Variants in GRIK4 observed in about 807,000 individuals in gnomAD.
GRIK4 encodes glutamate receptor ionotropic, kainate 4.
Under a neutral mutation model 104.9 loss-of-function variants are expected in GRIK4, and 40 were observed. That is an observed-to-expected ratio of 0.38 (90% CI 0.30 to 0.50). The LOEUF is 0.50. Among genes scored for constraint, GRIK4 ranks in the 20% least tolerant of loss-of-function variants. The pLI is 0.93. For synonymous variants in GRIK4, 485 were observed against 524.9 expected (o/e 0.92, Z 1.04); for missense variants, 1,047 against 1,308.1 (o/e 0.80, Z 3.08).
intron 6 of GRIK4, among the ~76,000 whole-genome samples, chr11:120,822,312 T>G (rs1953149974): frequency 6.6e-6 from 1 of 150,708 alleles, no homozygotes; most frequent in South Asian, 2.1e-4. Flanking sequence ...AAGAAATCAG[T>G]GAACATAGAT....
At chr11:120,776,545 G>A (rs1413881238) in intron 3 of GRIK4, among the ~76,000 whole-genome samples, 1 of 152,242 alleles carries the variant, frequency 6.6e-6, no homozygotes, top group Non-Finnish European at 1.5e-5. Context: ...TAAGAACAAT[G>A]TATTGCTTTG....
intron 1 of GRIK4, among the ~76,000 whole-genome samples, chr11:120,589,712 G>A (rs1241372111): frequency 2.0e-5 from 3 of 152,076 alleles, no homozygotes; most frequent in Non-Finnish European, 2.9e-5. Flanking sequence ...CTCACCACCC[G>A]CTGCCTGCCC....
chr11:120,658,095 TTTTACAC>T (rs1261635376), intron 2 of GRIK4, among the ~76,000 whole-genome samples: 6 of 152,240 alleles, frequency 3.9e-5, no homozygotes, highest in Non-Finnish European at 8.8e-5. Context: ...TTTGTAATCT[TTTTACAC>T]TTTATATAGA....
intron 11 of GRIK4, among the ~76,000 whole-genome samples, chr11:120,893,819 A>G (rs1942488263): frequency 6.6e-6 from 1 of 152,170 alleles, no homozygotes; most frequent in African/African-American, 2.4e-5. Flanking sequence ...GCCAGTTTGT[A>G]AACATTTCCT....
chr11:120,694,324 A>G (rs1950408563), intron 3 of GRIK4, among the ~76,000 whole-genome samples: 1 of 152,244 alleles, frequency 6.6e-6, no homozygotes, highest in African/African-American at 2.4e-5. Flanking sequence ...GACCTAAGAC[A>G]GGCTCTTCCG....
At chr11:120,896,358 G>A (rs1194982290) in intron 11 of GRIK4, among the ~76,000 whole-genome samples, 2 of 152,242 alleles carry the variant, frequency 1.3e-5, no homozygotes, top group Non-Finnish European at 2.9e-5. Context: ...AACGGGGCTT[G>A]TTGTATGGAT....
chr11:120,925,059 A>G (rs1943312897), intron 13 of GRIK4, among the ~76,000 whole-genome samples: 1 of 152,142 alleles, frequency 6.6e-6, no homozygotes, highest in Non-Finnish European at 1.5e-5. Flanking sequence ...CTGGTCTCTG[A>G]GGCAGAGCTG....
At chr11:120,874,794 G>A (rs1335780589) in intron 10 of GRIK4, among the ~76,000 whole-genome samples, 2 of 152,212 alleles carry the variant, frequency 1.3e-5, no homozygotes, top group Non-Finnish European at 2.9e-5. Flanking sequence ...GTGGGTGAGT[G>A]CCTGCCCGGA....
At chr11:120,737,335 AT>A (rs1343638205) in intron 3 of GRIK4, among the ~76,000 whole-genome samples, 4 of 152,232 alleles carry the variant, frequency 2.6e-5, no homozygotes, top group Non-Finnish European at 5.9e-5. Context: ...AAGTCTAGAC[AT>A]TAGACATTGA....
At chr11:120,862,978 G>A (rs760887818) in intron 9 of GRIK4, among the ~76,000 whole-genome samples, 5 of 152,132 alleles carry the variant, frequency 3.3e-5, no homozygotes, top group Non-Finnish European at 2.9e-5. Context: ...TGATAAAACC[G>A]AAGCCCAGAA....
chr11:120,675,895 A>G (rs1324206391), intron 3 of GRIK4, among the ~76,000 whole-genome samples: 1 of 152,244 alleles, frequency 6.6e-6, no homozygotes, highest in Non-Finnish European at 1.5e-5. Flanking sequence ...CTGCCATGAC[A>G]TATTTTCACA....
chr11:120,824,379 G>C (rs893620212), intron 6 of GRIK4, among the ~76,000 whole-genome samples: 1 of 152,146 alleles, frequency 6.6e-6, no homozygotes, highest in Non-Finnish European at 1.5e-5. Flanking sequence ...GAGAGTTGGG[G>C]CTCACCACTG....
At chr11:120,820,011 G>C in intron 6 of GRIK4, 91 bp downstream of exon 6, 5 of 1,253,250 alleles carry the variant, frequency 4.0e-6, no homozygotes, top group Non-Finnish European at 5.7e-6. Context: ...GACCCTCCAG[G>C]AAGGGGAGGC....
intron 16 of GRIK4, among the ~76,000 whole-genome samples, 199 bp downstream of exon 16, chr11:120,957,152 C>G (rs1944174164): frequency 6.6e-6 from 1 of 152,172 alleles, no homozygotes; most frequent in Non-Finnish European, 1.5e-5. Context: ...TGGTCCCCTT[C>G]CCCTTACTCT....
At chr11:120,872,530 G>T (rs11603412) in intron 9 of GRIK4, 5,165 of 153,420 alleles carry the variant, frequency 0.034, 267 homozygotes, top group African/African-American at 0.12. Flanking sequence ...CCCTCACAAG[G>T]ATGCCATCAG....
At chr11:120,654,552 C>T (rs938478124) in intron 2 of GRIK4, among the ~76,000 whole-genome samples, 4 of 151,862 alleles carry the variant, frequency 2.6e-5, no homozygotes, top group East Asian at 1.9e-4. Context: ...TAGTAGTGAC[C>T]GGGTTTCACC....
intron 3 of GRIK4, among the ~76,000 whole-genome samples, chr11:120,718,231 T>C (rs1272306833): frequency 6.6e-6 from 1 of 151,608 alleles, no homozygotes; most frequent in African/African-American, 2.4e-5. Context: ...AGTCTGTAAG[T>C]CCATCAGGGA....
At chr11:120,780,485 C>A (rs1448019989) in intron 3 of GRIK4, among the ~76,000 whole-genome samples, 1 of 152,194 alleles carries the variant, frequency 6.6e-6, no homozygotes, top group Non-Finnish European at 1.5e-5. Flanking sequence ...AAGGCTGAAT[C>A]ATATTCCGTT....
chr11:120,760,566 A>T (rs1951732802), intron 3 of GRIK4, among the ~76,000 whole-genome samples: 1 of 151,900 alleles, frequency 6.6e-6, no homozygotes, highest in Admixed American at 6.6e-5. Flanking sequence ...CATCTACATT[A>T]GGTATTTCTC....
Sources: allele counts gnomAD v4.1 joint callset (sites outside exome capture counted in the v4.1 genomes callset), GRCh38; gene constraint gnomAD v4.1.1; transcripts MANE v1.5; gene names NCBI Gene and HGNC (gene_info 2026-07-23, HGNC 2026-07-21).